FANCL: variants seen among roughly 807,000 people sequenced by gnomAD.
FANCL encodes FA complementation group L.
A neutral mutation model predicts 59.4 loss-of-function variants in FANCL; 69 were observed. That is an observed-to-expected ratio of 1.16 (90% CI 0.96 to 1.42). The LOEUF is 1.42. Among genes scored for constraint, FANCL ranks in the 40% most tolerant of loss-of-function variants. The pLI, the probability that FANCL is intolerant of heterozygous loss-of-function variation, is 0.00. For missense variants in FANCL, 519 were observed against 447.2 expected, an observed-to-expected ratio of 1.16 and a Z score of -1.45; for synonymous variants, 180 against 147.1, an observed-to-expected ratio of 1.22 and a Z score of -1.62.
At chr2:58,173,600 AC>A (rs1450487290) in intron 7 of FANCL, among the ~76,000 whole-genome samples, 2 of 152,164 alleles carry the variant, frequency 1.3e-5, no homozygotes, top group Non-Finnish European at 2.9e-5. Flanking sequence ...AGATTTTGTC[AC>A]CACCAGGCCT....
intron 5 of FANCL, among the ~76,000 whole-genome samples, chr2:58,215,307 C>A (rs1450121663): frequency 1.3e-5 from 2 of 152,188 alleles, no homozygotes; most frequent in Non-Finnish European, 2.9e-5. Flanking sequence ...AGGCTCCAAC[C>A]ATCCCAAATC....
At chr2:58,227,897 A>C (rs1693186114) in intron 3 of FANCL, among the ~76,000 whole-genome samples, 1 of 151,956 alleles carries the variant, frequency 6.6e-6, no homozygotes, top group Non-Finnish European at 1.5e-5. Flanking sequence ...TTTTTTAAAG[A>C]AGAAGAGAAA....
intron 4 of FANCL, among the ~76,000 whole-genome samples, chr2:58,223,475 A>C (rs1692683061): frequency 6.6e-6 from 1 of 151,988 alleles, no homozygotes; most frequent in Non-Finnish European, 1.5e-5. Flanking sequence ...ATAATAGTAA[A>C]AACACTTTTC....
At chr2:58,206,225 T>G (rs1283068670) in intron 5 of FANCL, among the ~76,000 whole-genome samples, 1 of 151,916 alleles carries the variant, frequency 6.6e-6, no homozygotes, top group Non-Finnish European at 1.5e-5. Flanking sequence ...AATGGAAAAA[T>G]AAAAAAGAAA....
intron 7 of FANCL, among the ~76,000 whole-genome samples, chr2:58,188,416 TTC>T (rs1688616172): frequency 6.6e-6 from 1 of 152,020 alleles, no homozygotes; most frequent in Non-Finnish European, 1.5e-5. Flanking sequence ...TTTGGAATAA[TTC>T]TCTTAATTTC....
intron 7 of FANCL, among the ~76,000 whole-genome samples, chr2:58,168,622 G>GAGCT (rs1041229604): frequency 6.6e-6 from 1 of 151,912 alleles, no homozygotes; most frequent in African/African-American, 2.4e-5. Flanking sequence ...CCTAGAAAGG[G>GAGCT]AGCTGATGCC....
chr2:58,236,800 G>C (rs1193663657), intron 1 of FANCL, among the ~76,000 whole-genome samples: 1 of 151,886 alleles, frequency 6.6e-6, no homozygotes, highest in Non-Finnish European at 1.5e-5. Context: ...TCAAAAGAAA[G>C]ATGCAATCTA....
At chr2:58,231,092 T>C (rs1693536961) in intron 2 of FANCL, among the ~76,000 whole-genome samples, 1 of 152,226 alleles carries the variant, frequency 6.6e-6, no homozygotes, top group Non-Finnish European at 1.5e-5. Flanking sequence ...TGAAAGACTC[T>C]GCTGCCCAAG....
chr2:58,198,514 T>A, intron 7 of FANCL, 80 bp downstream of exon 7: 3 of 1,188,686 alleles, frequency 2.5e-6, no homozygotes, highest in Non-Finnish European at 3.7e-6. Context: ...CAAGAAATAA[T>A]CCCCCCATGG....
chr2:58,233,781 C>T (rs1693782480), intron 1 of FANCL, among the ~76,000 whole-genome samples: 1 of 151,794 alleles, frequency 6.6e-6, no homozygotes, highest in Non-Finnish European at 1.5e-5. Context: ...GAACACTGAC[C>T]TACAAAGAGA....
chr2:58,188,300 G>C (rs1688605115), intron 7 of FANCL, among the ~76,000 whole-genome samples: 2 of 152,036 alleles, frequency 1.3e-5, no homozygotes, highest in Admixed American at 1.3e-4. Context: ...CCTGAAAAAA[G>C]TAGATTTTTA....
In FANCL at chr2:58,160,159, A is replaced by G. The variant is rs1684906984; in HGVS notation, c.1041T>C (p.Thr347=). 1 of 1,612,928 alleles carries G rather than the reference A, an allele frequency of 6.2e-7. No individual in the cohort carries two copies. Among genetic ancestry groups the G allele is most frequent in the East Asian group, 2.2e-5 (1 of 44,744 alleles). ...ATATGATGTTAAAACTCTGTCTACT[A>G]GTTAGTAGTCCTCTCAGCCACTGCA... ...CLYEWLRGLL[T]SRQSFNIIFG... The change falls in exon 13 of 14, where the codon ACT becomes ACC. Residue 347 remains threonine, a synonymous_variant. Transcript: ENST00000233741.
chr2:58,184,027 G>T (rs573626130), intron 7 of FANCL, among the ~76,000 whole-genome samples: 2 of 151,962 alleles, frequency 1.3e-5, no homozygotes, highest in Admixed American at 6.6e-5. Flanking sequence ...AGGTATAGAA[G>T]TCAAGAATTC....
At chr2:58,219,493 C>T (rs1164248583) in intron 5 of FANCL, among the ~76,000 whole-genome samples, 1 of 150,606 alleles carries the variant, frequency 6.6e-6, no homozygotes, top group East Asian at 1.9e-4. Flanking sequence ...CATATAGTGA[C>T]TTCCAAAGAG....
chr2:58,229,443 T>C (rs1248610990), intron 3 of FANCL, among the ~76,000 whole-genome samples: 1 of 152,186 alleles, frequency 6.6e-6, no homozygotes, highest in Non-Finnish European at 1.5e-5. Flanking sequence ...TCTTTTCTGT[T>C]GCTAATCTAG....
At chr2:58,160,389 A>C (rs1684966831) in intron 12 of FANCL, among the ~76,000 whole-genome samples, 1 of 152,046 alleles carries the variant, frequency 6.6e-6, no homozygotes, top group Admixed American at 6.6e-5. Flanking sequence ...ATGGAATTGA[A>C]GGCCTAAACC....
intron 5 of FANCL, among the ~76,000 whole-genome samples, chr2:58,217,209 TATATATAC>T (rs1462898476): frequency 6.5e-3 from 58 of 8,992 alleles, no homozygotes; most frequent in East Asian, 0.015. Flanking sequence ...TATATATATA[TATATATAC>T]ACACACACAC....
chr2:58,205,572 C>T (rs1477857208), intron 5 of FANCL, among the ~76,000 whole-genome samples: 2 of 152,042 alleles, frequency 1.3e-5, no homozygotes, highest in African/African-American at 2.4e-5. Context: ...TTTATATTCT[C>T]TACTTCCAGA....
At chr2:58,183,827 T>G (rs79442003) in intron 7 of FANCL, among the ~76,000 whole-genome samples, 1 of 151,982 alleles carries the variant, frequency 6.6e-6, no homozygotes, top group African/African-American at 2.4e-5. Context: ...TTTAGCCATG[T>G]ACAGGACTAC....
Sources: gnomAD v4.1 joint callset for allele counts (sites outside exome capture counted in the v4.1 genomes callset) on GRCh38, gnomAD v4.1.1 for gene constraint, MANE v1.5 for transcripts, NCBI Gene and HGNC (gene_info 2026-07-23, HGNC 2026-07-21) for gene names.